CNTNAP4: variants seen among roughly 807,000 people sequenced by gnomAD.
CNTNAP4 encodes contactin-associated protein-like 4.
CNTNAP4 carries 98 observed loss-of-function variants against 148.4 expected under a neutral mutation model. The ratio of observed to expected loss-of-function variants is 0.66; its 90% CI spans 0.56 to 0.78. The LOEUF (loss-of-function observed/expected upper bound fraction) is 0.78. Among genes scored for constraint, CNTNAP4 ranks in the 30% least tolerant of loss-of-function variants. The probability of loss-of-function intolerance (pLI) is 0.00; values close to 1 mark genes in which losing one functional copy is unlikely to be tolerated. For missense variants in CNTNAP4, 1,935 were observed against 1,565.6 expected (o/e 1.24, Z -3.98); for synonymous variants, 730 against 565.1 (o/e 1.29, Z -4.14).
chr16:76,307,092 GA>G (rs1230285017), intron 1 of CNTNAP4, among the ~76,000 whole-genome samples: 4 of 151,938 alleles, frequency 2.6e-5, no homozygotes, highest in Non-Finnish European at 5.9e-5. Context: ...GTACTTCATT[GA>G]ATAACACAAA....
chr16:76,451,256 T>C (rs1268100135), intron 7 of CNTNAP4, among the ~76,000 whole-genome samples: 1 of 152,194 alleles, frequency 6.6e-6, no homozygotes, highest in Non-Finnish European at 1.5e-5. Flanking sequence ...AACTATCAAG[T>C]ATCACCCAAG....
At chr16:76,477,820 T>A (rs1469679464) in intron 11 of CNTNAP4, among the ~76,000 whole-genome samples, 2 of 152,222 alleles carry the variant, frequency 1.3e-5, no homozygotes, top group East Asian at 3.8e-4. Context: ...TTTCATCGAC[T>A]ATTCATTTTA....
In CNTNAP4 at chr16:76,454,066, T is replaced by C. The variant is rs550638701; in HGVS notation, c.1333+1297T>C. On this transcript the variant is annotated intron_variant, in intron 8 of 23. Transcript: ENST00000611870. Reference sequence around the variant, plus strand: ...CAGCATCTTAAAGAAACCGCTTCAGTGCAACGTTACTTTGGGGAGCTCCAT... The same window carrying C: ...CAGCATCTTAAAGAAACCGCTTCAGCGCAACGTTACTTTGGGGAGCTCCAT... 1.8e-4 allele frequency among the ~76,000 whole-genome samples: 27 copies of C among 152,130 alleles called. No individual in the cohort carries two copies. In the Middle Eastern group the frequency reaches 0.014, roughly 77 times the overall value.
intron 17 of CNTNAP4, among the ~76,000 whole-genome samples, chr16:76,534,419 A>G (rs999866246): frequency 1.3e-5 from 2 of 152,346 alleles, no homozygotes; most frequent in African/African-American, 2.4e-5. Flanking sequence ...ATGAGACACC[A>G]TCATTTATCC....
rs188844239 is a variant in CNTNAP4, at chr16:76,334,589, C to G, written c.196+18066C>G. Among the ~76,000 whole-genome samples the G allele has an allele frequency of 3.0e-4, 46 of 152,210 alleles. 1 individual carries two copies. In the East Asian group the frequency reaches 8.1e-3, roughly 27 times the overall value. ...TGTGCTTTTTAATAAGGATTTTATA[C>G]TTTTTTTCTATAATGGGAGTAGAAC... On this transcript the variant is annotated intron_variant, in intron 2 of 23. Transcript: ENST00000611870.
intron 1 of CNTNAP4, among the ~76,000 whole-genome samples, chr16:76,281,416 T>C (rs191842349): frequency 6.6e-6 from 1 of 152,204 alleles, no homozygotes; most frequent in East Asian, 1.9e-4. Context: ...TTTCTCCACT[T>C]CTTATTACAT....
chr16:76,379,042 A>T (rs531238203), intron 3 of CNTNAP4, among the ~76,000 whole-genome samples: 1 of 152,310 alleles, frequency 6.6e-6, no homozygotes, highest in East Asian at 1.9e-4. Flanking sequence ...CTGTAAACTT[A>T]GGGCCTCTGG....
chr16:76,436,961 ATATCTATC>A (rs780750972), intron 4 of CNTNAP4, among the ~76,000 whole-genome samples: 4 of 140,178 alleles, frequency 2.9e-5, no homozygotes, highest in African/African-American at 5.2e-5. Flanking sequence ...CTAATACAGA[ATATCTATC>A]TATCTATCTA....
At chr16:76,413,913 T>A (rs992101558) in intron 3 of CNTNAP4, among the ~76,000 whole-genome samples, 11 of 151,432 alleles carry the variant, frequency 7.3e-5, no homozygotes, top group South Asian at 2.1e-4. Flanking sequence ...TAATTCATTT[T>A]TATATATAGA....
At chr16:76,370,501 C>A (rs557453695) in intron 3 of CNTNAP4, among the ~76,000 whole-genome samples, 1 of 152,222 alleles carries the variant, frequency 6.6e-6, no homozygotes, top group African/African-American at 2.4e-5. Flanking sequence ...GAAGAAATAC[C>A]CTGGTTCCTC....
At position 76,513,393 on chromosome 16, in the gene CNTNAP4, G is replaced by A. The variant is rs541738231; in HGVS notation, c.2366-7747G>A. ...GGAAATATAGTGTGATCGCAGAGGA[G>A]CATTGAGTGTGCACACTTGGCATCA... On this transcript the variant is annotated intron_variant, in intron 15 of 23. Transcript: ENST00000611870. Among the ~76,000 whole-genome samples the A allele has an allele frequency of 5.3e-4, 81 of 152,242 alleles. 1 individual carries two copies. The highest frequency in any genetic ancestry group is 5.3e-3 in the Admixed American group (81 of 15,280).
chr16:76,401,614 C>T (rs1017264763), intron 3 of CNTNAP4, among the ~76,000 whole-genome samples: 2 of 152,120 alleles, frequency 1.3e-5, no homozygotes, highest in African/African-American at 4.8e-5. Context: ...GCATCCTTGT[C>T]TTGTGGTGGT....
At chr16:76,419,481 C>G (rs1478534573) in intron 3 of CNTNAP4, among the ~76,000 whole-genome samples, 1 of 151,990 alleles carries the variant, frequency 6.6e-6, no homozygotes, top group Non-Finnish European at 1.5e-5. Context: ...ATGTGGAGCC[C>G]TCTAAGACTG....
At chr16:76,516,535 A>C (rs956277245) in intron 15 of CNTNAP4, among the ~76,000 whole-genome samples, 5 of 152,236 alleles carry the variant, frequency 3.3e-5, no homozygotes. Context: ...ACTCTCATAC[A>C]ATCCAGTGAT....
At chr16:76,558,259 G>T (rs1051318696) in intron 23 of CNTNAP4, 1 of 422,560 alleles carries the variant, frequency 2.4e-6, no homozygotes, top group Admixed American at 4.1e-5. Context: ...GATATAATAT[G>T]CATTCATAAT....
rs561962893 is a variant in CNTNAP4, at chr16:76,323,804, T to C, written c.196+7281T>C. ...AGTCTTCAGCTCTAAATCAATCTGA[T>C]GGTGTCATCCGTGGGAATGCGCCAA... On this transcript the variant is annotated intron_variant, in intron 2 of 23. Transcript: ENST00000611870. Among the ~76,000 whole-genome samples, 11 of 152,302 alleles carry C rather than the reference T, an allele frequency of 7.2e-5. No individual in the cohort carries two copies. In the East Asian group the frequency reaches 1.9e-3, roughly 27 times the overall value.
chr16:76,529,960 A>G (rs1040577869), intron 17 of CNTNAP4, among the ~76,000 whole-genome samples: 2 of 152,084 alleles, frequency 1.3e-5, no homozygotes, highest in African/African-American at 2.4e-5. Flanking sequence ...AAATAGTGCC[A>G]TATCTCTATT....
At chr16:76,379,777 C>T (rs192492728) in intron 3 of CNTNAP4, among the ~76,000 whole-genome samples, 1 of 152,160 alleles carries the variant, frequency 6.6e-6, no homozygotes, top group African/African-American at 2.4e-5. Context: ...TGGTTCTGAC[C>T]AGGACAATGG....
At chr16:76,363,763 A>T (rs1202654857) in intron 3 of CNTNAP4, among the ~76,000 whole-genome samples, 2 of 152,164 alleles carry the variant, frequency 1.3e-5, no homozygotes, top group Non-Finnish European at 2.9e-5. Flanking sequence ...TTAAAAAAGC[A>T]TTTGGGTTTT....
Sources: gnomAD v4.1 joint callset for allele counts (sites outside exome capture counted in the v4.1 genomes callset) on GRCh38, gnomAD v4.1.1 for gene constraint, MANE v1.5 for transcripts, NCBI Gene and HGNC (gene_info 2026-07-23, HGNC 2026-07-21) for gene names.